PNPT1: variants seen among roughly 807,000 people sequenced by gnomAD.
PNPT1 encodes the protein polyribonucleotide nucleotidyltransferase 1, mitochondrial.
A neutral mutation model predicts 119.5 loss-of-function variants in PNPT1; 53 were observed. The observed-to-expected ratio is 0.44, with a 90% CI of 0.36 to 0.56. PNPT1 has a LOEUF of 0.56. Among genes scored for constraint, PNPT1 ranks in the 20% least tolerant of loss-of-function variants. The pLI is 0.00. For missense variants in PNPT1, 948 were observed against 938.5 expected (o/e 1.01, Z -0.13); for synonymous variants, 357 against 322.1 (o/e 1.11, Z -1.16).
chr2:55,645,963 G>A (rs958422643), intron 21 of PNPT1, among the ~76,000 whole-genome samples: 11 of 151,970 alleles, frequency 7.2e-5, no homozygotes, highest in Non-Finnish European at 1.2e-4. Flanking sequence ...GAGTAGCTGG[G>A]ATTACAGGTA....
At position 55,680,930 on chromosome 2, in the gene PNPT1, G is replaced by A. The variant is rs1697228125; in HGVS notation, c.454-12C>T. 5 of 1,609,026 alleles carry A rather than the reference G, an allele frequency of 3.1e-6. No homozygotes were observed. The highest frequency in any genetic ancestry group is 4.2e-6 in the Non-Finnish European group (5 of 1,177,180). ...AGATTACACAGAACCTGGTAAAAGG[G>A]AAAAAATTTGATTTGGAAGGGTTAT... On this transcript the variant is annotated splice_polypyrimidine_tract_variant and intron_variant, in intron 5 of 27. Transcript: ENST00000447944.
intron 4 of PNPT1, 62 bp from the exon 5 acceptor site, chr2:55,683,896 G>A (rs1436741367): frequency 1.9e-5 from 28 of 1,484,900 alleles, no homozygotes; most frequent in South Asian, 2.3e-5. Context: ...AGTTCAAAAC[G>A]TTTGAACTAA....
intron 25 of PNPT1, among the ~76,000 whole-genome samples, chr2:55,642,575 C>T (rs1239020125): frequency 7.7e-6 from 1 of 129,928 alleles, no homozygotes; most frequent in Non-Finnish European, 1.5e-5. Flanking sequence ...CACTGCACTC[C>T]AGCCTGGGTG....
chr2:55,654,865 G>A, intron 18 of PNPT1, 35 bp downstream of exon 18: 1 of 1,589,334 alleles, frequency 6.3e-7, no homozygotes, highest in Non-Finnish European at 8.6e-7. Flanking sequence ...ACAGGCATGA[G>A]CAATATCAGC....
Position 55,646,330 on chromosome 2 carries a change from G to A in PNPT1, c.1675-8C>T, listed in dbSNP as rs760050017. On this transcript the variant is annotated splice_polypyrimidine_tract_variant and splice_region_variant and intron_variant, in intron 20 of 27. Transcript: ENST00000447944. Reference sequence around the variant, plus strand: ...AGGTAATTTAATATCAGCCTAATATGGAAAAGTCAAACAATTATATAAATA... The same window carrying A: ...AGGTAATTTAATATCAGCCTAATATAGAAAAGTCAAACAATTATATAAATA... The A allele has an allele frequency of 1.2e-6, 2 of 1,609,064 alleles. No homozygotes were observed. Among genetic ancestry groups the A allele is most frequent in the Non-Finnish European group, 1.7e-6 (2 of 1,177,056 alleles).
intron 1 of PNPT1, among the ~76,000 whole-genome samples, chr2:55,691,435 T>C (rs1237857649): frequency 6.6e-6 from 1 of 152,178 alleles, no homozygotes; most frequent in Non-Finnish European, 1.5e-5. Context: ...ATGTTGCCAA[T>C]GGCAAACAAG....
In PNPT1 at chr2:55,644,734, C is replaced by T. The variant is rs1695933207; in HGVS notation, c.1823-14G>A. Reference sequence around the variant, plus strand: ...CCTGAACAGTTTCTGGAACGTAATACAGACAAATATATAAACAATTCAACT... The same window carrying T: ...CCTGAACAGTTTCTGGAACGTAATATAGACAAATATATAAACAATTCAACT... On this transcript the variant is annotated splice_polypyrimidine_tract_variant and intron_variant, in intron 22 of 27. Transcript: ENST00000447944. 2 of 1,576,692 alleles carry T rather than the reference C, an allele frequency of 1.3e-6. No individual in the cohort carries two copies. Among genetic ancestry groups the T allele is most frequent in the Non-Finnish European group, 1.7e-6 (2 of 1,148,496 alleles).
At chr2:55,686,002 T>C (rs1697395440) in intron 3 of PNPT1, among the ~76,000 whole-genome samples, 1 of 152,148 alleles carries the variant, frequency 6.6e-6, no homozygotes, top group African/African-American at 2.4e-5. Flanking sequence ...TTTCGATCCA[T>C]GGTTGGTTGA....
intron 3 of PNPT1, among the ~76,000 whole-genome samples, chr2:55,685,394 G>A (rs559790284): frequency 6.6e-6 from 1 of 152,276 alleles, no homozygotes; most frequent in Admixed American, 6.5e-5. Flanking sequence ...TGGGCACAAT[G>A]GCCTGTGCCC....
chr2:55,658,484 G>A (rs1016784612), intron 15 of PNPT1, among the ~76,000 whole-genome samples: 2 of 152,110 alleles, frequency 1.3e-5, no homozygotes, highest in East Asian at 1.9e-4. Context: ...TTATAAAAAT[G>A]TATTAAGCCA....
At chr2:55,674,019 G>A (rs1055690502) in intron 8 of PNPT1, among the ~76,000 whole-genome samples, 1 of 152,092 alleles carries the variant, frequency 6.6e-6, no homozygotes, top group Non-Finnish European at 1.5e-5. Flanking sequence ...CACCGCTCCT[G>A]GCAATACATA....
intron 11 of PNPT1, among the ~76,000 whole-genome samples, chr2:55,669,877 G>C (rs922208171): frequency 6.6e-6 from 1 of 151,108 alleles, no homozygotes; most frequent in Non-Finnish European, 1.5e-5. Flanking sequence ...TCATGCCTCA[G>C]CCTCCCAAGT....
rs559321341 is a variant in PNPT1 at position 55,673,195 on chromosome 2, T to C, written c.680-116A>G. ...ATGGATCAATTTTACTTCTTAGTGATAGATCCACCTTGATTTCTTTCCTCA... is the reference window on the plus strand; with the variant it reads ...ATGGATCAATTTTACTTCTTAGTGACAGATCCACCTTGATTTCTTTCCTCA... On this transcript the variant is annotated intron_variant, in intron 8 of 27. Transcript: ENST00000447944. 7.4e-5 allele frequency: 56 copies of C among 758,164 alleles called. 1 individual carries two copies. Among genetic ancestry groups the C allele is most frequent in the African/African-American group, 7.3e-4 (40 of 54,976 alleles). The allele number at this position is 758,164 out of a possible 1,614,324, so 47.0% of individuals were successfully genotyped here.
chr2:55,687,137 C>T (rs1697432505), intron 2 of PNPT1, among the ~76,000 whole-genome samples: 1 of 145,198 alleles, frequency 6.9e-6, no homozygotes, highest in African/African-American at 2.6e-5. Context: ...TGGCGTGAAC[C>T]TGGGAGGCGG....
intron 26 of PNPT1, 57 bp downstream of exon 26, chr2:55,640,570 C>T: frequency 7.3e-7 from 1 of 1,377,892 alleles, no homozygotes; most frequent in East Asian, 2.3e-5. Context: ...TAGGTAATTT[C>T]AATACAGTGT....
intron 11 of PNPT1, among the ~76,000 whole-genome samples, chr2:55,668,662 T>C (rs1448686064): frequency 6.6e-6 from 1 of 151,558 alleles, no homozygotes; most frequent in Non-Finnish European, 1.5e-5. Context: ...TGCAATGGCA[T>C]GATCTCAGCT....
In PNPT1 at chr2:55,672,030, G is replaced by GTC; in HGVS notation, c.881_882dup (p.Leu295AspfsTer23). 6.2e-7 allele frequency: 1 copy of GTC among 1,601,710 alleles called. No individual in the cohort carries two copies. The highest frequency in any genetic ancestry group is 8.5e-7 in the Non-Finnish European group (1 of 1,174,470). ...TCGTAATCTGTAAAAACTGCATAGA[G>GTC]TCTCTCCATAGCAAGTCTATTTAAG... On this transcript the variant is annotated frameshift_variant, in exon 10 of 28. Transcript: ENST00000447944. LOFTEE classifies it high-confidence loss of function.
rs150995923 is a variant in PNPT1, at chr2:55,672,257, G to T, written c.867-211C>A. ...CAAATTTCTTTCTCCCACCCTCCCAGGGGAAACCACATGTAGTATCCTGTT... is the reference window on the plus strand; with the variant it reads ...CAAATTTCTTTCTCCCACCCTCCCATGGGAAACCACATGTAGTATCCTGTT... On this transcript the variant is annotated intron_variant, in intron 9 of 27. Coordinates refer to ENST00000447944, the MANE Select transcript of PNPT1 (RefSeq NM_033109.5). Among the ~76,000 whole-genome samples the T allele has an allele frequency of 1.4e-3, 214 of 152,212 alleles. 2 individuals are homozygous for T. The highest frequency in any genetic ancestry group is 6.8e-3 in the Middle Eastern group (2 of 294).
intron 3 of PNPT1, among the ~76,000 whole-genome samples, chr2:55,686,023 GCAAAAC>G (rs1697396177): frequency 6.6e-6 from 1 of 152,100 alleles, no homozygotes; most frequent in Non-Finnish European, 1.5e-5. Context: ...ATCCATGGAT[GCAAAAC>G]CCAAGGACAT....
Sources: allele counts gnomAD v4.1 joint callset (sites outside exome capture counted in the v4.1 genomes callset), GRCh38; gene constraint gnomAD v4.1.1; transcripts MANE v1.5; gene names NCBI Gene and HGNC (gene_info 2026-07-23, HGNC 2026-07-21).